The following DNAH14 variants were observed in gnomAD, a reference collection of about 807,000 sequenced individuals.
The protein encoded by DNAH14 is dynein axonemal heavy chain 14, also known as axonemal beta dynein heavy chain 14.
A neutral mutation model predicts 520.9 loss-of-function variants in DNAH14; 478 were observed. The observed-to-expected ratio is 0.92, with a 90% CI of 0.85 to 0.99. The LOEUF is 0.99. DNAH14 is among the 50% of genes least tolerant of loss of function. The pLI, the probability that DNAH14 is intolerant of heterozygous loss-of-function variation, is 0.00. For missense variants in DNAH14, 4,831 were observed against 5,234.5 expected (o/e 0.92, Z 2.38); for synonymous variants, 1,581 against 1,757.2 (o/e 0.90, Z 2.51).
intron 1 of DNAH14, among the ~76,000 whole-genome samples, chr1:224,951,325 C>T (rs73129886): frequency 0.013 from 1,992 of 152,104 alleles, 38 homozygotes; most frequent in African/African-American, 0.045. Flanking sequence ...TTCACCTGGC[C>T]TTGTTGGCTC....
Position 225,206,016 on chromosome 1 carries a change from T to C in DNAH14, c.6023T>C (p.Phe2008Ser). The C allele has an allele frequency of 2.6e-6, 4 of 1,551,670 alleles. No homozygotes were observed. Among genetic ancestry groups the C allele is most frequent in the Non-Finnish European group, 3.5e-6 (4 of 1,146,880 alleles). ...ATCCTAGATGGCCCAGTGGACACCT[T>C]TTGGGTAGAAAATCTGAACTCTGTG... is the stretch of plus-strand genomic sequence containing the variant. ...WIILDGPVDT[F>S]WVENLNSVLD... The change falls in exon 40 of 86, where the codon TTT (phenylalanine) becomes TCT (serine). Residue 2008 changes from phenylalanine to serine, a missense_variant. Transcript: ENST00000682510.
At chr1:224,936,183 C>T (rs2059022016) in intron 1 of DNAH14, among the ~76,000 whole-genome samples, 1 of 151,316 alleles carries the variant, frequency 6.6e-6, no homozygotes, top group Non-Finnish European at 1.5e-5. Flanking sequence ...CAAACCAAAC[C>T]CCAAATTAGT....
intron 37 of DNAH14, among the ~76,000 whole-genome samples, chr1:225,190,210 A>G (rs187167887): frequency 1.3e-5 from 2 of 152,148 alleles, no homozygotes; most frequent in East Asian, 3.9e-4. Flanking sequence ...TAAAAGATGA[A>G]CAATGACAAC....
rs2067681305 is a variant in DNAH14, at chr1:225,043,624, G to A, written c.1769-120G>A. ...ACTGCTTCAGTATTGTGTTTCAAGT[G>A]ACTTCTTGAGTTTATTCTTAGGATA... On this transcript the variant is annotated intron_variant, in intron 13 of 85. Transcript: ENST00000682510. The A allele has an allele frequency of 4.1e-6, 3 of 740,012 alleles. No homozygotes were observed. The African/African-American group carries it at 5.4e-5, about 13-fold the overall frequency. 45.8% of individuals were successfully genotyped at this position (740,012 alleles called of 1,614,324 possible).
intron 36 of DNAH14, among the ~76,000 whole-genome samples, chr1:225,173,522 C>G (rs559673224): frequency 1.3e-5 from 2 of 152,304 alleles, no homozygotes; most frequent in Non-Finnish European, 2.9e-5. Context: ...CTCATCATCA[C>G]TGGCCATCAG....
rs143487410 is a variant in DNAH14, at chr1:225,070,110, C to T, written c.2425-9097C>T. Among the ~76,000 whole-genome samples the T allele has an allele frequency of 1.9e-3, 292 of 152,078 alleles. 2 individuals carry two copies. Among genetic ancestry groups the T allele is most frequent in the African/African-American group, 6.6e-3 (273 of 41,516 alleles). On this transcript the variant is annotated intron_variant, in intron 17 of 85. Coordinates refer to ENST00000682510, the MANE Select transcript of DNAH14 (RefSeq NM_001367479.1). ...AATACTCTCCCTTTTCTACTTTATT[C>T]GTCTAGCTAGCAGTGTCTCTTTTAT... is the stretch of plus-strand genomic sequence containing the variant.
intron 61 of DNAH14, among the ~76,000 whole-genome samples, chr1:225,319,855 G>T (rs905121302): frequency 1.3e-5 from 2 of 152,046 alleles, no homozygotes; most frequent in Non-Finnish European, 2.9e-5. Context: ...TCCAAGCAGA[G>T]GAAATGGAAA....
At chr1:224,930,701 C>G (rs1413534661) in intron 1 of DNAH14, among the ~76,000 whole-genome samples, 1 of 152,114 alleles carries the variant, frequency 6.6e-6, no homozygotes, top group Non-Finnish European at 1.5e-5. Flanking sequence ...GGGTTCACGC[C>G]ATTCTCCTGC....
intron 12 of DNAH14, among the ~76,000 whole-genome samples, chr1:225,041,157 C>T (rs2067446134): frequency 6.6e-6 from 1 of 152,180 alleles, no homozygotes; most frequent in East Asian, 1.9e-4. Context: ...GTCCCATAGC[C>T]CAAGTTTGGG....
intron 23 of DNAH14, among the ~76,000 whole-genome samples, chr1:225,108,699 G>A (rs2076275079): frequency 6.6e-6 from 1 of 152,070 alleles, no homozygotes; most frequent in East Asian, 1.9e-4. Flanking sequence ...CCTTTGTTGT[G>A]CAAAAGCTTT....
intron 8 of DNAH14, among the ~76,000 whole-genome samples, chr1:224,985,874 TA>T (rs535558429): frequency 1.9e-4 from 28 of 149,216 alleles, no homozygotes; most frequent in South Asian, 4.3e-4. Flanking sequence ...TAAAAAAGAA[TA>T]AAAAAAAATG....
chr1:225,197,226 G>A (rs2086260055), intron 38 of DNAH14, among the ~76,000 whole-genome samples: 1 of 152,100 alleles, frequency 6.6e-6, no homozygotes, highest in Non-Finnish European at 1.5e-5. Flanking sequence ...TATAAGGTGA[G>A]AGATGAGGAT....
intron 23 of DNAH14, among the ~76,000 whole-genome samples, chr1:225,106,604 T>G (rs1174974733): frequency 1.3e-5 from 2 of 152,204 alleles, no homozygotes; most frequent in Non-Finnish European, 2.9e-5. Flanking sequence ...TCTCTAAACT[T>G]TTCTTCTCAC....
In DNAH14 at chr1:225,335,428, T is replaced by C. The variant is rs555161984; in HGVS notation, c.10081-1838T>C. ...ATGTGTGTGTATGCACATATGCACG[T>C]GTGTACATGTGTGTGTATGCACATA... On this transcript the variant is annotated intron_variant, in intron 66 of 85. Transcript: ENST00000682510. Among the ~76,000 whole-genome samples the C allele has an allele frequency of 3.6e-3, 407 of 112,918 alleles. 82 individuals are homozygous for C. Among genetic ancestry groups the C allele is most frequent in the East Asian group, 0.028 (101 of 3,570 alleles). 74.1% of individuals were successfully genotyped at this position (112,918 alleles called of 152,430 possible).
intron 84 of DNAH14, among the ~76,000 whole-genome samples, chr1:225,392,958 C>T (rs1235065702): frequency 2.0e-5 from 3 of 152,154 alleles, no homozygotes; most frequent in Admixed American, 6.5e-5. Context: ...CCAGGTGCAC[C>T]GTGCACCCCA....
chr1:224,955,330 A>G (rs2060443463), intron 3 of DNAH14, among the ~76,000 whole-genome samples: 2 of 152,184 alleles, frequency 1.3e-5, no homozygotes, highest in African/African-American at 2.4e-5. Flanking sequence ...AAATGTCAGA[A>G]TATCTGATAT....
At chr1:225,194,736 AG>A (rs959975626) in intron 38 of DNAH14, among the ~76,000 whole-genome samples, 34 of 152,254 alleles carry the variant, frequency 2.2e-4, no homozygotes, top group African/African-American at 8.2e-4. Flanking sequence ...GATAACCTAT[AG>A]AATTGGAGAA....
chr1:225,381,723 C>T, intron 81 of DNAH14, 144 bp downstream of exon 81: 2 of 736,890 alleles, frequency 2.7e-6, no homozygotes, highest in Non-Finnish European at 4.3e-6. Context: ...CATATTTTCA[C>T]ATCTCTGAAG....
At chr1:225,325,413 A>G (rs1045727233) in intron 64 of DNAH14, among the ~76,000 whole-genome samples, 1 of 151,810 alleles carries the variant, frequency 6.6e-6, no homozygotes, top group Admixed American at 6.6e-5. Flanking sequence ...TGAACCCGGG[A>G]GAAGGAGATT....
Sources: allele counts gnomAD v4.1 joint callset (sites outside exome capture counted in the v4.1 genomes callset), GRCh38; gene constraint gnomAD v4.1.1; transcripts MANE v1.5; gene names NCBI Gene and HGNC (gene_info 2026-07-23, HGNC 2026-07-21).